Variants in SEMA3E observed in about 807,000 individuals in gnomAD.
SEMA3E encodes the protein semaphorin 3E.
A neutral mutation model predicts 93.6 loss-of-function variants in SEMA3E; 49 were observed. That is an observed-to-expected ratio of 0.52 (90% CI 0.42 to 0.66). The LOEUF is 0.66. Among genes scored for constraint, SEMA3E ranks in the 30% least tolerant of loss-of-function variants. The pLI, the probability that SEMA3E is intolerant of heterozygous loss-of-function variation, is 0.00. For missense variants in SEMA3E, 906 were observed against 964.8 expected, an observed-to-expected ratio of 0.94 and a Z score of 0.81; for synonymous variants, 363 against 330.7, an observed-to-expected ratio of 1.10 and a Z score of -1.06.
intron 1 of SEMA3E, among the ~76,000 whole-genome samples, chr7:83,554,846 G>T (rs185629253): frequency 1.3e-5 from 2 of 152,052 alleles, no homozygotes; most frequent in Non-Finnish European, 2.9e-5. Flanking sequence ...GCGTGGTGGC[G>T]GGCGCCTGTA....
At chr7:83,427,189 TTCC>T (rs1788789740) in intron 4 of SEMA3E, among the ~76,000 whole-genome samples, 1 of 152,088 alleles carries the variant, frequency 6.6e-6, no homozygotes, top group African/African-American at 2.4e-5. Context: ...TCTTCCTTCC[TTCC>T]TTTCCTTCTT....
At chr7:83,613,665 T>G (rs1432258621) in intron 1 of SEMA3E, among the ~76,000 whole-genome samples, 2 of 152,114 alleles carry the variant, frequency 1.3e-5, no homozygotes, top group African/African-American at 4.8e-5. Flanking sequence ...ATCTTATTCC[T>G]AAGATCAAGA....
chr7:83,467,590 G>T (rs190999525), intron 3 of SEMA3E, among the ~76,000 whole-genome samples: 1 of 152,276 alleles, frequency 6.6e-6, no homozygotes, highest in African/African-American at 2.4e-5. Flanking sequence ...GAGCTATCTG[G>T]TCTCTGTTGC....
At chr7:83,424,315 A>G (rs1413396453) in intron 4 of SEMA3E, among the ~76,000 whole-genome samples, 1 of 152,194 alleles carries the variant, frequency 6.6e-6, no homozygotes, top group Non-Finnish European at 1.5e-5. Flanking sequence ...CCTCTGTCTA[A>G]TCACTTTGCA....
chr7:83,630,862 A>C (rs888556339), intron 1 of SEMA3E, among the ~76,000 whole-genome samples: 6 of 152,220 alleles, frequency 3.9e-5, no homozygotes, highest in African/African-American at 1.4e-4. Flanking sequence ...GGGTTATTTT[A>C]AATTTTGAGG....
intron 1 of SEMA3E, among the ~76,000 whole-genome samples, chr7:83,607,833 C>A (rs1205336573): frequency 6.6e-6 from 1 of 152,026 alleles, no homozygotes; most frequent in Non-Finnish European, 1.5e-5. Context: ...CCTTGGAGAC[C>A]CATTCAGGAT....
intron 1 of SEMA3E, among the ~76,000 whole-genome samples, chr7:83,607,737 G>T (rs1395647983): frequency 1.3e-5 from 2 of 152,130 alleles, no homozygotes; most frequent in African/African-American, 4.8e-5. Flanking sequence ...GAAGACAAAA[G>T]AATGAATGCA....
At chr7:83,631,170 C>T (rs1793778066) in intron 1 of SEMA3E, among the ~76,000 whole-genome samples, 1 of 151,922 alleles carries the variant, frequency 6.6e-6, no homozygotes, top group Admixed American at 6.6e-5. Context: ...TTTATTTTAG[C>T]CATGAAGAAA....
intron 4 of SEMA3E, among the ~76,000 whole-genome samples, chr7:83,431,375 A>G (rs1206462369): frequency 6.6e-6 from 1 of 152,040 alleles, no homozygotes; most frequent in African/African-American, 2.4e-5. Context: ...ATTAAAAAAT[A>G]TATCTTAATT....
intron 1 of SEMA3E, among the ~76,000 whole-genome samples, chr7:83,612,021 T>C (rs1286042019): frequency 6.6e-6 from 1 of 152,152 alleles, no homozygotes; most frequent in East Asian, 1.9e-4. Flanking sequence ...GGTATTCTAA[T>C]GTCAATGCCT....
intron 1 of SEMA3E, among the ~76,000 whole-genome samples, chr7:83,580,463 T>A (rs1792496949): frequency 6.6e-6 from 1 of 151,966 alleles, no homozygotes; most frequent in Non-Finnish European, 1.5e-5. Context: ...TCATTTACTG[T>A]CTATCATGTG....
chr7:83,546,334 G>C (rs1304475249), intron 1 of SEMA3E, among the ~76,000 whole-genome samples: 1 of 104,824 alleles, frequency 9.5e-6, no homozygotes, highest in African/African-American at 5.3e-5. Context: ...GTGTGTGTGT[G>C]TGTGTGTGTG....
At chr7:83,485,021 G>T (rs1790224111) in intron 2 of SEMA3E, among the ~76,000 whole-genome samples, 1 of 152,104 alleles carries the variant, frequency 6.6e-6, no homozygotes. Context: ...ACATTGGAAA[G>T]CTATTTGGCA....
chr7:83,470,723 A>G (rs1480289208), intron 2 of SEMA3E, among the ~76,000 whole-genome samples: 1 of 152,152 alleles, frequency 6.6e-6, no homozygotes, highest in Non-Finnish European at 1.5e-5. Context: ...TGTAAATAGT[A>G]TTGAAGTTAA....
intron 1 of SEMA3E, among the ~76,000 whole-genome samples, chr7:83,632,077 C>A (rs893688927): frequency 2.0e-5 from 3 of 151,568 alleles, no homozygotes; most frequent in African/African-American, 7.3e-5. Context: ...ATCGCTTGAA[C>A]CTGGGAGGCA....
At chr7:83,451,009 A>C (rs1789348749) in intron 4 of SEMA3E, among the ~76,000 whole-genome samples, 1 of 152,098 alleles carries the variant, frequency 6.6e-6, no homozygotes, top group Admixed American at 6.6e-5. Context: ...AGGTAGAGAT[A>C]ATTGAATCAT....
At chr7:83,508,388 G>A (rs1170683110) in intron 1 of SEMA3E, among the ~76,000 whole-genome samples, 3 of 151,248 alleles carry the variant, frequency 2.0e-5, no homozygotes, top group East Asian at 3.9e-4. Flanking sequence ...TCAGCCTCCC[G>A]AGTAGCTGGG....
chr7:83,491,863 T>C (rs1467675631), intron 1 of SEMA3E, among the ~76,000 whole-genome samples: 2 of 151,980 alleles, frequency 1.3e-5, no homozygotes, highest in African/African-American at 4.8e-5. Flanking sequence ...GAAGACAATT[T>C]TTTTCCATTT....
At chr7:83,558,826 A>G (rs1791970917) in intron 1 of SEMA3E, among the ~76,000 whole-genome samples, 1 of 152,238 alleles carries the variant, frequency 6.6e-6, no homozygotes, top group South Asian at 2.1e-4. Flanking sequence ...TCAAATTTTT[A>G]ACAAATACAA....
Sources: gnomAD v4.1 joint callset for allele counts (sites outside exome capture counted in the v4.1 genomes callset) on GRCh38, gnomAD v4.1.1 for gene constraint, MANE v1.5 for transcripts, NCBI Gene and HGNC (gene_info 2026-07-23, HGNC 2026-07-21) for gene names.